NCKAP5: variants seen among roughly 807,000 people sequenced by gnomAD.
NCKAP5 encodes the protein NCK associated protein 5, also known as nck-associated protein 5.
Under a neutral mutation model 167.0 loss-of-function variants are expected in NCKAP5, and 92 were observed. The ratio of observed to expected loss-of-function variants is 0.55; its 90% CI spans 0.47 to 0.66. The LOEUF (loss-of-function observed/expected upper bound fraction) is 0.66. Among genes scored for constraint, NCKAP5 ranks in the 30% least tolerant of loss-of-function variants. The probability of loss-of-function intolerance (pLI) is 0.00; values close to 1 mark genes in which losing one functional copy is unlikely to be tolerated. For synonymous variants in NCKAP5, 891 were observed against 877.4 expected (o/e 1.02, Z -0.27); for missense variants, 2,378 against 2,315.0 (o/e 1.03, Z -0.56).
intron 8 of NCKAP5, among the ~76,000 whole-genome samples, chr2:132,895,263 G>A (rs549992227): frequency 6.6e-6 from 1 of 151,408 alleles, no homozygotes; most frequent in South Asian, 2.1e-4. Flanking sequence ...CCCGGGAGGC[G>A]GAGTTTGCGG....
intron 16 of NCKAP5, among the ~76,000 whole-genome samples, chr2:132,752,061 C>T (rs1680160692): frequency 6.6e-6 from 1 of 152,338 alleles, no homozygotes; most frequent in East Asian, 1.9e-4. Flanking sequence ...ACAAGAAGAG[C>T]AACTCTCACT....
intron 8 of NCKAP5, chr2:132,931,441 G>C (rs1696370907): frequency 6.6e-6 from 1 of 152,080 alleles, no homozygotes; most frequent in Non-Finnish European, 1.5e-5. Flanking sequence ...GTGATAGTGG[G>C]GGCTGCCCGA....
intron 9 of NCKAP5, among the ~76,000 whole-genome samples, chr2:132,876,323 T>A (rs1171199263): frequency 6.6e-6 from 1 of 152,018 alleles, no homozygotes; most frequent in East Asian, 1.9e-4. Context: ...GTCTTAAACT[T>A]CTGGGCTCAA....
At chr2:133,585,708 A>G in the NCKAP5 span, among the ~76,000 whole-genome samples, 2 of 152,216 alleles carry the variant, frequency 1.3e-5, no homozygotes, top group African/African-American at 4.8e-5. Context: ...ACTAGTTTTC[A>G]TAACAGCAGT....
the NCKAP5 span, among the ~76,000 whole-genome samples, chr2:133,592,726 C>T: frequency 6.6e-6 from 1 of 152,222 alleles, no homozygotes; most frequent in Admixed American, 6.5e-5. Flanking sequence ...ACTTTGCCTA[C>T]ACTTTTGCCT....
intron 6 of NCKAP5, among the ~76,000 whole-genome samples, chr2:132,998,689 C>T (rs879406629): frequency 1.2e-4 from 18 of 152,178 alleles, no homozygotes; most frequent in East Asian, 7.7e-4. Context: ...TGTTGTTTGA[C>T]GCCCAATTAC....
chr2:133,586,369 C>T, the NCKAP5 span, among the ~76,000 whole-genome samples: 39 of 152,088 alleles, frequency 2.6e-4, no homozygotes, highest in Middle Eastern at 3.2e-3. Context: ...CTGTACTTGA[C>T]GTTGAGATTG....
At chr2:132,794,295 GAGAGAGAGAGA>G (rs1447296086) in intron 12 of NCKAP5, among the ~76,000 whole-genome samples, 17 of 124,036 alleles carry the variant, frequency 1.4e-4, no homozygotes, top group Middle Eastern at 4.6e-3. Context: ...GAGAGAGAGA[GAGAGAGAGAGA>G]GGGTGGCGGG....
At chr2:133,040,226 TCTC>T (rs917929175) in intron 6 of NCKAP5, among the ~76,000 whole-genome samples, 3 of 152,064 alleles carry the variant, frequency 2.0e-5, no homozygotes, top group African/African-American at 7.2e-5. Context: ...GCCTGTAACT[TCTC>T]CTTTCTCCTC....
intron 3 of NCKAP5, among the ~76,000 whole-genome samples, chr2:133,482,880 T>A (rs1680578083): frequency 6.6e-6 from 1 of 152,286 alleles, no homozygotes; most frequent in South Asian, 2.1e-4. Context: ...TCTTTTTTTG[T>A]CTCTCATGTA....
intron 4 of NCKAP5, among the ~76,000 whole-genome samples, chr2:133,253,907 G>A (rs1185174213): frequency 6.6e-6 from 1 of 152,184 alleles, no homozygotes; most frequent in Admixed American, 6.5e-5. Flanking sequence ...CTGGACTCCA[G>A]CATGTTCTTT....
At chr2:133,451,773 G>T (rs1320411169) in intron 3 of NCKAP5, among the ~76,000 whole-genome samples, 2 of 152,182 alleles carry the variant, frequency 1.3e-5, no homozygotes, top group East Asian at 3.9e-4. Flanking sequence ...TTATGACTTT[G>T]TCTCTTTCTG....
At chr2:133,257,014 C>A (rs770537489) in intron 4 of NCKAP5, among the ~76,000 whole-genome samples, 4 of 152,240 alleles carry the variant, frequency 2.6e-5, no homozygotes, top group Middle Eastern at 6.8e-3. Context: ...AAGAAAAGTG[C>A]GAATTTTGCA....
chr2:133,541,775 A>AT (rs58596206), intron 2 of NCKAP5, among the ~76,000 whole-genome samples: 69 of 148,744 alleles, frequency 4.6e-4, no homozygotes, highest in African/African-American at 1.3e-3. Context: ...TATAAAGGAG[A>AT]TTTTTTTTTT....
At chr2:133,479,425 A>G (rs922418328) in intron 3 of NCKAP5, among the ~76,000 whole-genome samples, 1 of 152,204 alleles carries the variant, frequency 6.6e-6, no homozygotes, top group Non-Finnish European at 1.5e-5. Context: ...ATGTTAACTC[A>G]GTTCTGGTTA....
In NCKAP5 at chr2:132,781,112, T is replaced by C. The variant is rs1385951154; in HGVS notation, c.4989A>G (p.Gln1663=). ...TTTTCATGTTTTTCTTGTGGTTTCCTTGAGTACTGATAGAGCTGCCGATGA... is the reference window on the plus strand; with the variant it reads ...TTTTCATGTTTTTCTTGTGGTTTCCCTGAGTACTGATAGAGCTGCCGATGA... ...SCLIGSSIST[Q]GNHKKNMKIK... Residue 1663 remains glutamine (Q), a synonymous_variant, in exon 15 of 20, where the codon CAA becomes CAG. Coordinates refer to ENST00000409261, the MANE Select transcript of NCKAP5 (RefSeq NM_207363.3). The C allele has an allele frequency of 1.2e-6, 2 of 1,613,906 alleles. No individual in the cohort carries two copies. The highest frequency in any genetic ancestry group is 4.5e-5 in the East Asian group (2 of 44,886).
chr2:132,851,861 G>A (rs80278398), intron 11 of NCKAP5, among the ~76,000 whole-genome samples: 149 of 152,336 alleles, frequency 9.8e-4, no homozygotes, highest in African/African-American at 3.5e-3. Flanking sequence ...GGTAAGAGAG[G>A]TGACAGAACA....
In NCKAP5 at chr2:132,795,142, A is replaced by G. The variant is rs567957109; in HGVS notation, c.909+1486T>C. 1.8e-4 allele frequency among the ~76,000 whole-genome samples: 27 copies of G among 152,308 alleles called. No individual in the cohort carries two copies. In the South Asian group the frequency reaches 5.6e-3, roughly 32 times the overall value. On this transcript the variant is annotated intron_variant, in intron 12 of 19. Coordinates refer to ENST00000409261, the MANE Select transcript of NCKAP5 (RefSeq NM_207363.3). ...GGGAAGACTGAGGCATTGAGGTTTTAATACCTTGCCCAAGTTGCCCTATCA... is the reference window on the plus strand; with the variant it reads ...GGGAAGACTGAGGCATTGAGGTTTTGATACCTTGCCCAAGTTGCCCTATCA...
In NCKAP5 at chr2:133,150,750, CAT is replaced by C. The variant is rs748182857; in HGVS notation, c.208-20641_208-20640del. On this transcript the variant is annotated intron_variant, in intron 5 of 19. Transcript: ENST00000409261. The stretch of plus-strand genomic sequence containing the variant: ...TAACACAGCAGTTCCAGTTTAGGTG[CAT>C]ATGTTTACCATATATGTACATCTGC... Among the ~76,000 whole-genome samples, 27 of 152,234 alleles carry C rather than the reference CAT, an allele frequency of 1.8e-4. 3 individuals carry two copies. The Middle Eastern group carries it at 0.048, about 268-fold the overall frequency.
Sources: allele counts gnomAD v4.1 joint callset (sites outside exome capture counted in the v4.1 genomes callset), GRCh38; gene constraint gnomAD v4.1.1; transcripts MANE v1.5; gene names NCBI Gene and HGNC (gene_info 2026-07-23, HGNC 2026-07-21).